The following REEP3 variants were observed in gnomAD, a reference collection of about 807,000 sequenced individuals.
The protein encoded by REEP3 is receptor accessory protein 3.
In REEP3, 20 loss-of-function variants were observed where a neutral mutation model predicts 41.3. The observed-to-expected ratio is 0.48, with a 90% CI of 0.34 to 0.70. The LOEUF is 0.70. Among genes scored for constraint, REEP3 ranks in the 30% least tolerant of loss-of-function variants. The pLI is 0.01. For missense variants in REEP3, 271 were observed against 308.8 expected, an observed-to-expected ratio of 0.88 and a Z score of 0.92; for synonymous variants, 104 against 101.8, an observed-to-expected ratio of 1.02 and a Z score of -0.13.
At chr10:63,525,374 C>G (rs1305119230) in intron 1 of REEP3, among the ~76,000 whole-genome samples, 2 of 152,036 alleles carry the variant, frequency 1.3e-5, no homozygotes, top group Admixed American at 1.3e-4. Context: ...ACAGTCTGTT[C>G]AATCTCAGCT....
At chr10:63,609,784 A>T (rs1167897665) in intron 5 of REEP3, among the ~76,000 whole-genome samples, 1 of 152,044 alleles carries the variant, frequency 6.6e-6, no homozygotes, top group Non-Finnish European at 1.5e-5. Context: ...AATAAATATA[A>T]ATAAATAAAA....
At chr10:63,608,761 G>GAAC (rs1185862777) in intron 5 of REEP3, among the ~76,000 whole-genome samples, 9 of 151,948 alleles carry the variant, frequency 5.9e-5, no homozygotes, top group Admixed American at 5.2e-4. Context: ...AGTTATACAT[G>GAAC]AACAGTTCAG....
chr10:63,597,461 A>G (rs1589882516), intron 3 of REEP3, among the ~76,000 whole-genome samples: 3 of 152,316 alleles, frequency 2.0e-5, no homozygotes, highest in Admixed American at 2.0e-4. Flanking sequence ...TAACTGCTGC[A>G]TTCAGTTTGG....
At chr10:63,559,562 T>C (rs1955722050) in intron 1 of REEP3, among the ~76,000 whole-genome samples, 1 of 152,188 alleles carries the variant, frequency 6.6e-6, no homozygotes, top group African/African-American at 2.4e-5. Context: ...CATTAGGAAG[T>C]AGAGATTTTA....
In REEP3 at chr10:63,596,923, G is replaced by A. The variant is rs368824520; in HGVS notation, c.183-1101G>A. 2.6e-5 allele frequency among the ~76,000 whole-genome samples: 4 copies of A among 152,174 alleles called. No individual in the cohort carries two copies. In the South Asian group the frequency reaches 6.2e-4, roughly 24 times the overall value. On this transcript the variant is annotated intron_variant, in intron 3 of 7. Coordinates refer to ENST00000373758, the MANE Select transcript of REEP3 (RefSeq NM_001001330.3). ...CTCCCAAAGTGCTGGGATTACAGGCGTGAGCACCTCACCTGGCACCTTAAA... is the reference window on the plus strand; with the variant it reads ...CTCCCAAAGTGCTGGGATTACAGGCATGAGCACCTCACCTGGCACCTTAAA...
rs746536032 is a variant in REEP3, at chr10:63,610,303, G to T, written c.534G>T (p.Lys178Asn). 1.2e-5 allele frequency: 18 copies of T among 1,563,428 alleles called. No individual in the cohort carries two copies. The highest frequency in any genetic ancestry group is 1.6e-5 in the Non-Finnish European group (18 of 1,152,526). The part of the protein sequence containing the change: ...RPYQPLPEAK[K>N]KSKPAPSESA... ...ACCAACCTCTACCAGAAGCAAAAAA[G>T]AAAAGTAAACCAGCCCCCAGTGAAT... Residue 178 changes from lysine to asparagine, a missense_variant, in exon 6 of 8, where the codon AAG becomes AAT. Coordinates refer to ENST00000373758, the MANE Select transcript of REEP3 (RefSeq NM_001001330.3).
At chr10:63,527,921 C>T (rs1403125793) in intron 1 of REEP3, among the ~76,000 whole-genome samples, 1 of 150,750 alleles carries the variant, frequency 6.6e-6, no homozygotes, top group Non-Finnish European at 1.5e-5. Flanking sequence ...GTATTTTCTT[C>T]ACTTGGTTTC....
rs538165524 is a variant in REEP3 at position 63,615,131 on chromosome 10, T to A, written c.566-4524T>A. 4.4e-4 allele frequency among the ~76,000 whole-genome samples: 67 copies of A among 152,286 alleles called. 1 individual carries two copies. In the South Asian group the frequency reaches 0.013, roughly 29 times the overall value. ...AAATGGATTAATATACCTAATTTTT[T>A]AAATGTATATACATAAGAGAAAGTT... On this transcript the variant is annotated intron_variant, in intron 6 of 7. Coordinates refer to ENST00000373758, the MANE Select transcript of REEP3 (RefSeq NM_001001330.3).
Position 63,521,578 on chromosome 10 carries a change from G to A in REEP3, c.32+1G>A. The stretch of plus-strand genomic sequence containing the variant: ...CCTGGATGATCTCCAGAGCCGTGGT[G>A]TAAGTGCCTCTCACTGCGCCCTGCA... On this transcript the variant is annotated splice_donor_variant, in intron 1 of 7. Transcript: ENST00000373758. LOFTEE classifies it high-confidence loss of function. The A allele has an allele frequency of 7.0e-7, 1 of 1,423,680 alleles. No homozygotes were observed. Among genetic ancestry groups the A allele is most frequent in the Non-Finnish European group, 9.3e-7 (1 of 1,076,818 alleles). The allele number at this position is 1,423,680 out of a possible 1,614,324, so 88.2% of individuals were successfully genotyped here.
At chr10:63,563,519 C>T (rs1046256536) in intron 1 of REEP3, among the ~76,000 whole-genome samples, 4 of 152,094 alleles carry the variant, frequency 2.6e-5, no homozygotes, top group Non-Finnish European at 4.4e-5. Context: ...AACACCAAAG[C>T]CTATATATAC....
chr10:63,535,318 G>A (rs1008992474), intron 1 of REEP3, among the ~76,000 whole-genome samples: 1 of 151,962 alleles, frequency 6.6e-6, no homozygotes, highest in Non-Finnish European at 1.5e-5. Flanking sequence ...GGAAGGAAAA[G>A]AACTATAAAG....
At chr10:63,526,982 T>C (rs1039018625) in intron 1 of REEP3, among the ~76,000 whole-genome samples, 5 of 152,216 alleles carry the variant, frequency 3.3e-5, no homozygotes, top group African/African-American at 7.2e-5. Flanking sequence ...TACTTTCCTA[T>C]GTAGAAGTGG....
At chr10:63,525,627 C>G (rs1240547871) in intron 1 of REEP3, among the ~76,000 whole-genome samples, 1 of 152,110 alleles carries the variant, frequency 6.6e-6, no homozygotes, top group African/African-American at 2.4e-5. Flanking sequence ...CCACGTTGGC[C>G]AGGCTGGACT....
chr10:63,601,594 G>A (rs1408175685), intron 5 of REEP3, among the ~76,000 whole-genome samples: 2 of 152,138 alleles, frequency 1.3e-5, no homozygotes, highest in Non-Finnish European at 2.9e-5. Flanking sequence ...AAAGCCAAGA[G>A]GATTTTTCGT....
At chr10:63,559,720 T>C (rs919000952) in intron 1 of REEP3, among the ~76,000 whole-genome samples, 79 of 152,312 alleles carry the variant, frequency 5.2e-4, no homozygotes, top group African/African-American at 1.9e-3. Flanking sequence ...TCTCTAGTTG[T>C]TGTTGTGAAA....
intron 1 of REEP3, among the ~76,000 whole-genome samples, chr10:63,548,234 TG>T (rs1296930777): frequency 6.6e-6 from 1 of 152,204 alleles, no homozygotes; most frequent in Non-Finnish European, 1.5e-5. Context: ...CTGGAGTGGG[TG>T]GCAACATTAT....
intron 1 of REEP3, among the ~76,000 whole-genome samples, chr10:63,564,622 G>GAA (rs398013817): frequency 3.9e-4 from 56 of 143,802 alleles, no homozygotes; most frequent in African/African-American, 1.1e-3. Flanking sequence ...CCCTGTCTCA[G>GAA]AAAAAAAAAA....
chr10:63,525,011 CAA>C (rs35948219), intron 1 of REEP3, among the ~76,000 whole-genome samples: 370 of 142,794 alleles, frequency 2.6e-3, no homozygotes, highest in Middle Eastern at 3.5e-3. Flanking sequence ...GACTCTGTCT[CAA>C]AAAAAAAAAA....
intron 3 of REEP3, among the ~76,000 whole-genome samples, 160 bp from the exon 4 acceptor site, chr10:63,597,864 G>A (rs1261966313): frequency 1.3e-5 from 2 of 150,852 alleles, no homozygotes; most frequent in Non-Finnish European, 2.9e-5. Context: ...AATGAGCCGA[G>A]ATGGTGCCAT....
Sources: allele counts gnomAD v4.1 joint callset (sites outside exome capture counted in the v4.1 genomes callset), GRCh38; gene constraint gnomAD v4.1.1; transcripts MANE v1.5; gene names NCBI Gene and HGNC (gene_info 2026-07-23, HGNC 2026-07-21).